PCNX2: variants seen among roughly 807,000 people sequenced by gnomAD.
PCNX2 encodes pecanex 2, also known as pecanex-like protein 2.
PCNX2 carries 168 observed loss-of-function variants against 223.8 expected under a neutral mutation model. That is an observed-to-expected ratio of 0.75 (90% CI 0.66 to 0.85). The LOEUF (loss-of-function observed/expected upper bound fraction) is 0.85, where lower values mean the gene tolerates loss of function less well. Among genes scored for constraint, PCNX2 ranks in the 40% least tolerant of loss-of-function variants. The pLI is 0.00. For missense variants in PCNX2, 2,507 were observed against 2,675.5 expected (o/e 0.94, Z 1.39); for synonymous variants, 1,006 against 1,052.6 (o/e 0.96, Z 0.86).
At chr1:233,051,929 A>AT (rs1169568434) in intron 25 of PCNX2, among the ~76,000 whole-genome samples, 1 of 152,224 alleles carries the variant, frequency 6.6e-6, no homozygotes, top group East Asian at 1.9e-4. Flanking sequence ...AGATTCAGAA[A>AT]TTCAGAGAGC....
chr1:232,984,602 G>T, intron 33 of PCNX2, 125 bp from the exon 34 acceptor site: 1 of 1,116,514 alleles, frequency 9.0e-7, no homozygotes, highest in Non-Finnish European at 1.3e-6. Context: ...TTGAGGTCAG[G>T]TTCTAAAGTC....
At chr1:233,194,903 G>A (rs1680633569) in intron 15 of PCNX2, among the ~76,000 whole-genome samples, 1 of 151,754 alleles carries the variant, frequency 6.6e-6, no homozygotes, top group Non-Finnish European at 1.5e-5. Flanking sequence ...TGTAGTCCCA[G>A]CTACTGGGGA....
At chr1:233,162,201 A>G (rs1178632012) in intron 17 of PCNX2, among the ~76,000 whole-genome samples, 4 of 151,932 alleles carry the variant, frequency 2.6e-5, no homozygotes, top group Non-Finnish European at 5.9e-5. Flanking sequence ...GTTAGCTCCA[A>G]TGGAGCACAA....
rs1225816990 is a variant in PCNX2, at chr1:233,001,514, AAAT to A, written c.5097+20_5097+22del. On this transcript the variant is annotated intron_variant, in intron 29 of 33. Coordinates refer to ENST00000258229, the MANE Select transcript of PCNX2 (RefSeq NM_014801.4). The surrounding 1 kb of genome is among the most constrained non-coding windows in gnomAD (Gnocchi z 4.2). ...TAAATAAATAAATAAATAAATAAAT[AAAT>A]AAATAAAATAGGTTTTTACCTGGTG... The A allele has an allele frequency of 7.3e-6, 9 of 1,239,658 alleles. No homozygotes were observed. The African/African-American group carries it at 1.1e-4, about 15-fold the overall frequency. The allele number at this position is 1,239,658 out of a possible 1,614,324, so 76.8% of individuals were successfully genotyped here. A position where few individuals can be genotyped will look rare whatever the true frequency, so the allele number is the denominator to read the frequency against.
the PCNX2 span, among the ~76,000 whole-genome samples, chr1:233,302,524 T>A: frequency 2.0e-5 from 3 of 151,966 alleles, no homozygotes; most frequent in Non-Finnish European, 4.4e-5. Context: ...TGATTTTTTT[T>A]AATTTTGTCA....
chr1:233,252,377 A>G lies in PCNX2; in HGVS notation c.2105T>C (p.Met702Thr). Reference sequence around the variant, plus strand: ...ACCATGTTCATCAATGAAGACATGCATAGCATCCACAGATATCTCTTCTTG... The same window carrying G: ...ACCATGTTCATCAATGAAGACATGCGTAGCATCCACAGATATCTCTTCTTG... ...SVQEEISVDA[M>T]HVFIDEHGEI... Residue 702 changes from methionine (M) to threonine (T), a missense_variant, in exon 7 of 34, where the codon ATG becomes ACG. Physicochemically the swap from Met to Thr is moderately conservative, Grantham distance 81. Coordinates refer to ENST00000258229, the MANE Select transcript of PCNX2 (RefSeq NM_014801.4). The G allele has an allele frequency of 6.2e-7, 1 of 1,611,562 alleles. No homozygotes were observed. Among genetic ancestry groups the G allele is most frequent in the Non-Finnish European group, 8.5e-7 (1 of 1,178,262 alleles).
At position 233,161,274 on chromosome 1, in the gene PCNX2, CA is replaced by C. The variant is rs775764978; in HGVS notation, c.3362del (p.Leu1121CysfsTer19). 1.1e-5 allele frequency: 18 copies of C among 1,613,100 alleles called. No individual in the cohort carries two copies. In the Admixed American group the frequency reaches 1.3e-4, roughly 12 times the overall value. ...TACAAAGTTGGTGGATACATACTCG[CA>C]ATGACAGGAATACAGTGCTGGCGCT... ...AVSASTVFLS[L>X]RPFLSIVLFA... On this transcript the variant is annotated frameshift_variant, in exon 18 of 34. Transcript: ENST00000258229. LOFTEE classifies it high-confidence loss of function.
intron 9 of PCNX2, among the ~76,000 whole-genome samples, chr1:233,236,008 T>C (rs1463908950): frequency 7.0e-6 from 1 of 143,156 alleles, no homozygotes; most frequent in Non-Finnish European, 1.5e-5. Context: ...TTTTCAAAGA[T>C]GAGCTTTTCT....
At chr1:233,309,538 C>CAAAAAA in the PCNX2 span, among the ~76,000 whole-genome samples, 9 of 141,558 alleles carry the variant, frequency 6.4e-5, no homozygotes, top group East Asian at 2.0e-4. Context: ...GAGACTCCCT[C>CAAAAAA]AAAAAAATAA....
chr1:233,293,851 G>GATTT, intron 1 of PCNX2: 1 of 667,916 alleles, frequency 1.5e-6, no homozygotes, highest in Non-Finnish European at 1.9e-6. Flanking sequence ...GCAGAACCAG[G>GATTT]ATTTCACCCT....
intron 15 of PCNX2, among the ~76,000 whole-genome samples, chr1:233,191,708 G>T (rs1446852397): frequency 1.3e-5 from 2 of 152,188 alleles, no homozygotes; most frequent in Non-Finnish European, 2.9e-5. Context: ...GAAGTAAACA[G>T]GAAAAGACCT....
intron 25 of PCNX2, among the ~76,000 whole-genome samples, chr1:233,049,364 A>ATTCATC (rs1318481951): frequency 1.3e-5 from 2 of 152,350 alleles, no homozygotes; most frequent in African/African-American, 2.4e-5. Flanking sequence ...TCATCACATA[A>ATTCATC]ACAGAATTAA....
intron 8 of PCNX2, among the ~76,000 whole-genome samples, chr1:233,243,893 G>A (rs1263225572): frequency 5.9e-5 from 9 of 151,946 alleles, no homozygotes; most frequent in Non-Finnish European, 8.8e-5. Context: ...GTGCAGTGAC[G>A]TGATCTCGGC....
At chr1:233,073,883 G>A (rs987504780) in intron 23 of PCNX2, among the ~76,000 whole-genome samples, 1 of 152,178 alleles carries the variant, frequency 6.6e-6, no homozygotes, top group Non-Finnish European at 1.5e-5. Context: ...GTCTCCCAAA[G>A]TGCTGCAGTT....
chr1:233,151,359 C>T lies in PCNX2; in HGVS notation c.3517+8924G>A, dbSNP rs140577145. 7.1e-3 allele frequency among the ~76,000 whole-genome samples: 1,088 copies of T among 152,322 alleles called. 15 individuals are homozygous for T. The highest frequency in any genetic ancestry group is 0.025 in the African/African-American group (1,027 of 41,572). On this transcript the variant is annotated intron_variant, in intron 19 of 33. Coordinates refer to ENST00000258229, the MANE Select transcript of PCNX2 (RefSeq NM_014801.4). ...TGGCCACACCGACTGCAGCTGAGAA[C>T]TAACATCATTCTTCAAAATGCTCTC...
intron 15 of PCNX2, among the ~76,000 whole-genome samples, chr1:233,182,078 T>C (rs1479821480): frequency 6.6e-6 from 1 of 152,228 alleles, no homozygotes; most frequent in Non-Finnish European, 1.5e-5. Flanking sequence ...CCATGAGCTG[T>C]GTGACACTGG....
intron 32 of PCNX2, among the ~76,000 whole-genome samples, chr1:232,996,607 C>G (rs181951300): frequency 6.6e-6 from 1 of 152,228 alleles, no homozygotes; most frequent in African/African-American, 2.4e-5. Context: ...ACCTACCTAG[C>G]TTTCTTTCTG....
intron 17 of PCNX2, among the ~76,000 whole-genome samples, chr1:233,169,644 C>CAAAAAAAAAAAAA (rs200439765): frequency 0.03 from 2,020 of 66,242 alleles, 18 homozygotes; most frequent in East Asian, 0.14. Context: ...AACTCCGTCT[C>CAAAAAAAAAAAAA]AAAAAAAAAA....
rs980265810 is a variant in PCNX2, at chr1:233,139,775, T to C, written c.3598A>G (p.Ile1200Val). Residue 1200 changes from isoleucine to valine, a missense_variant, in exon 20 of 34, where the codon ATT becomes GTT. Physicochemically the swap from Ile to Val is conservative, Grantham distance 29. Coordinates refer to ENST00000258229, the MANE Select transcript of PCNX2 (RefSeq NM_014801.4). The surrounding 1 kb of genome is among the most constrained non-coding windows in gnomAD (Gnocchi z 4.4). ...GCATCAATAGTGAGGGCATTCAAAATTAGCGCTGGGTACAAGATGTATTTT... is the reference window on the plus strand; with the variant it reads ...GCATCAATAGTGAGGGCATTCAAAACTAGCGCTGGGTACAAGATGTATTTT... ...FEKYILYPAL[I>V]LNALTIDAFL... The C allele has an allele frequency of 3.1e-6, 5 of 1,612,338 alleles. No individual in the cohort carries two copies. The African/African-American group carries it at 6.7e-5, about 22-fold the overall frequency.
Sources: gnomAD v4.1 joint callset for allele counts (sites outside exome capture counted in the v4.1 genomes callset) on GRCh38, gnomAD v4.1.1 for gene constraint, Gnocchi (gnomAD v3.1) non-coding constraint, MANE v1.5 for transcripts, NCBI Gene and HGNC (gene_info 2026-07-23, HGNC 2026-07-21) for gene names.